PCTP: variants seen among roughly 807,000 people sequenced by gnomAD.
PCTP encodes the protein phosphatidylcholine transfer protein, also known as START domain-containing protein 2.
Under a neutral mutation model 31.0 loss-of-function variants are expected in PCTP, and 27 were observed. The ratio of observed to expected loss-of-function variants is 0.87; its 90% CI spans 0.64 to 1.20. The LOEUF (loss-of-function observed/expected upper bound fraction) is 1.20. PCTP is among the 50% of genes most tolerant of loss of function. The pLI, the probability that PCTP is intolerant of heterozygous loss-of-function variation, is 0.00. For missense variants in PCTP, 287 were observed against 268.2 expected (o/e 1.07, Z -0.49); for synonymous variants, 108 against 101.2 (o/e 1.07, Z -0.40).
chr17:55,790,788 G>A (rs935561112), intron 3 of PCTP, among the ~76,000 whole-genome samples: 1 of 149,164 alleles, frequency 6.7e-6, no homozygotes, highest in East Asian at 1.9e-4. Context: ...TTTCTTCACA[G>A]AATTGGAAAA....
downstream of PCTP, among the ~76,000 whole-genome samples, chr17:55,780,866 C>G (rs1911539693): frequency 6.6e-6 from 1 of 152,142 alleles, no homozygotes; most frequent in African/African-American, 2.4e-5. Flanking sequence ...GCCTCCTTCA[C>G]CATGTCTGGG....
At position 55,767,364 on chromosome 17, in the gene PCTP, T is replaced by C. The variant is rs376019776; in HGVS notation, c.171T>C (p.Phe57=). ...KKTGLYEYKV[F]GVLEDCSPTL... Reference sequence around the variant, plus strand: ...CTGGACTTTATGAGTATAAAGTCTTTGGTGTTCTGGAGGACTGCTCACCAA... The same window carrying C: ...CTGGACTTTATGAGTATAAAGTCTTCGGTGTTCTGGAGGACTGCTCACCAA... Residue 57 remains phenylalanine, a synonymous_variant, in exon 2 of 6, where the codon TTT becomes TTC. Transcript: ENST00000268896. The C allele has an allele frequency of 1.8e-5, 29 of 1,612,842 alleles. No individual in the cohort carries two copies. The African/African-American group carries it at 3.6e-4, about 20-fold the overall frequency.
rs560798267 is a variant in PCTP at position 55,761,471 on chromosome 17, G to A, written c.142-5864G>A. On this transcript the variant is annotated intron_variant, in intron 1 of 5. Coordinates refer to ENST00000268896, the MANE Select transcript of PCTP (RefSeq NM_021213.4). ...GAATACCAGCTGGTATTCACTATATGTACTATAGCAGGTATATATAAAAAT... is the reference window on the plus strand; with the variant it reads ...GAATACCAGCTGGTATTCACTATATATACTATAGCAGGTATATATAAAAAT... Among the ~76,000 whole-genome samples the A allele has an allele frequency of 3.3e-4, 50 of 149,780 alleles. No individual in the cohort carries two copies. In the South Asian group the frequency reaches 9.9e-3, roughly 30 times the overall value.
intron 3 of PCTP, among the ~76,000 whole-genome samples, chr17:55,818,533 A>G (rs1028054960): frequency 2.6e-5 from 4 of 152,202 alleles, no homozygotes; most frequent in African/African-American, 9.6e-5. Context: ...CTTCTGTAAA[A>G]TGGGTCAAAC....
rs559871573 is a variant in PCTP at position 55,751,142 on chromosome 17, C to G, written c.39C>G (p.Phe13Leu). 1 of 1,547,324 alleles carries G rather than the reference C, an allele frequency of 6.5e-7. No homozygotes were observed. Among genetic ancestry groups the G allele is most frequent in the Non-Finnish European group, 8.7e-7 (1 of 1,145,892 alleles). Reference protein sequence around the residue: ...LAAGSFSEEQFWEACAELQQP... With the variant: ...LAAGSFSEEQLWEACAELQQP... ...CCGGAAGCTTCTCGGAGGAGCAGTT[C>G]TGGGAGGCCTGCGCCGAGCTCCAGC... Residue 13 changes from phenylalanine to leucine, a missense_variant, in exon 1 of 6, where the codon TTC becomes TTG. Transcript: ENST00000268896.
At position 55,829,212 on chromosome 17, in the gene PCTP, GA is replaced by G. The variant is rs72543089; in HGVS notation, n.505+6299del. Among the ~76,000 whole-genome samples the G allele has an allele frequency of 5.2e-3, 728 of 139,146 alleles. 2 individuals are homozygous for G. The highest frequency in any genetic ancestry group is 6.0e-3 in the East Asian group (29 of 4,852). 91.3% of individuals were successfully genotyped at this position (139,146 alleles called of 152,430 possible). A position where few individuals can be genotyped will look rare whatever the true frequency, so the allele number is the denominator to read the frequency against. ...AAAGGAGCTTCAAAGGCCAATATGT[GA>G]AAAAAAAAAAAAATAAAGACATACT... is the stretch of plus-strand genomic sequence containing the variant. On this transcript the variant is annotated intron_variant and non_coding_transcript_variant, in intron 5 of 5. Coordinates refer to the PCTP transcript ENST00000576221.
chr17:55,815,990 G>A (rs891602508), intron 3 of PCTP, among the ~76,000 whole-genome samples: 8 of 152,114 alleles, frequency 5.3e-5, no homozygotes, highest in African/African-American at 1.9e-4. Flanking sequence ...TTGGCATTTC[G>A]TGGTACCTGT....
At chr17:55,814,793 C>G (rs984131061) in intron 3 of PCTP, among the ~76,000 whole-genome samples, 1 of 152,180 alleles carries the variant, frequency 6.6e-6, no homozygotes, top group African/African-American at 2.4e-5. Flanking sequence ...TACTTTGACC[C>G]ATAAGCTTCA....
chr17:55,792,915 G>T (rs944451572), intron 3 of PCTP, among the ~76,000 whole-genome samples: 1 of 151,990 alleles, frequency 6.6e-6, no homozygotes, highest in Non-Finnish European at 1.5e-5. Context: ...TTTCTCAATG[G>T]CTTTGCACCA....
downstream of PCTP, among the ~76,000 whole-genome samples, chr17:55,777,557 T>C (rs1299155250): frequency 6.6e-6 from 1 of 152,228 alleles, no homozygotes; most frequent in African/African-American, 2.4e-5. Flanking sequence ...ATACAGGTGC[T>C]CAAACTGAGA....
At chr17:55,752,290 A>ACAGGAATGAAAACTCTGCCTGTCTCATTG (rs1398226615) in intron 1 of PCTP, among the ~76,000 whole-genome samples, 2 of 152,222 alleles carry the variant, frequency 1.3e-5, no homozygotes, top group East Asian at 1.9e-4. Context: ...CACCTGTTAA[A>ACAGGAATGAAAACTCTGCCTGTCTCATTG]CAGGAATGAA....
At chr17:55,790,996 C>T (rs1194844931) in intron 3 of PCTP, among the ~76,000 whole-genome samples, 21 of 151,592 alleles carry the variant, frequency 1.4e-4, no homozygotes, top group East Asian at 1.9e-4. Context: ...TCAGAAATAA[C>T]GCCGCATATC....
At chr17:55,758,130 G>C (rs1910146907) in intron 1 of PCTP, among the ~76,000 whole-genome samples, 1 of 152,216 alleles carries the variant, frequency 6.6e-6, no homozygotes, top group African/African-American at 2.4e-5. Flanking sequence ...GAGGCTCACA[G>C]CTTCAATTTA....
At chr17:55,808,444 A>G (rs1257273020) in intron 3 of PCTP, among the ~76,000 whole-genome samples, 1 of 152,214 alleles carries the variant, frequency 6.6e-6, no homozygotes, top group African/African-American at 2.4e-5. Flanking sequence ...CTTTGCTGCA[A>G]AGATCCAATA....
At chr17:55,787,470 T>G (rs1353847186) in intron 2 of PCTP, 1 of 152,070 alleles carries the variant, frequency 6.6e-6, no homozygotes, top group Non-Finnish European at 1.5e-5. Flanking sequence ...TATCCCTGCC[T>G]CAGCCTCCTG....
chr17:55,834,089 G>C (rs909070905), intron 5 of PCTP, among the ~76,000 whole-genome samples: 1 of 152,178 alleles, frequency 6.6e-6, no homozygotes, highest in Admixed American at 6.5e-5. Context: ...CTGAGTCTCA[G>C]GAGCTGACTG....
downstream of PCTP, among the ~76,000 whole-genome samples, chr17:55,823,762 A>G (rs1475937524): frequency 6.6e-6 from 1 of 152,184 alleles, no homozygotes; most frequent in Non-Finnish European, 1.5e-5. Flanking sequence ...ATGTCCAGAG[A>G]CACAACTTTT....
At chr17:55,834,745 A>G (rs1450836254) in intron 5 of PCTP, among the ~76,000 whole-genome samples, 1 of 152,156 alleles carries the variant, frequency 6.6e-6, no homozygotes, top group Admixed American at 6.5e-5. Context: ...AAAGAGTTCT[A>G]TTGAATGGTG....
the PCTP span, among the ~76,000 whole-genome samples, chr17:55,848,106 G>A: frequency 7.9e-5 from 12 of 152,032 alleles, no homozygotes; most frequent in Non-Finnish European, 1.6e-4. Flanking sequence ...CATTTTCTTA[G>A]TAGAGACAGG....
Sources: gnomAD v4.1 joint callset for allele counts (sites outside exome capture counted in the v4.1 genomes callset) on GRCh38, gnomAD v4.1.1 for gene constraint, MANE v1.5 for transcripts, NCBI Gene and HGNC (gene_info 2026-07-23, HGNC 2026-07-21) for gene names.